Variants in ZNF66 observed in about 807,000 individuals in gnomAD.
ZNF66 encodes the protein zinc finger protein 66.
ZNF66 carries 32 observed loss-of-function variants against 35.2 expected under a neutral mutation model. The observed-to-expected ratio is 0.91, with a 90% CI of 0.69 to 1.22. The LOEUF (loss-of-function observed/expected upper bound fraction) is 1.22, where lower values mean the gene tolerates loss of function less well. ZNF66 is among the 50% of genes most tolerant of loss of function. The pLI, the probability that ZNF66 is intolerant of heterozygous loss-of-function variation, is 0.00. For missense variants in ZNF66, 666 were observed against 543.1 expected (o/e 1.23, Z -2.25); for synonymous variants, 231 against 181.3 (o/e 1.27, Z -2.20).
chr19:20,794,170 A>G (rs895280730), intron 3 of ZNF66: 4 of 420,116 alleles, frequency 9.5e-6, no homozygotes, highest in African/African-American at 8.4e-5. Context: ...GAGACAGCAC[A>G]ATCCAGCTGC....
intron 1 of ZNF66, among the ~76,000 whole-genome samples, chr19:20,788,646 AC>A (rs1971308708): frequency 6.6e-6 from 1 of 151,820 alleles, no homozygotes; most frequent in East Asian, 1.9e-4. Context: ...GTTGTGATCT[AC>A]CCGCGTCATC....
intron 3 of ZNF66, chr19:20,798,976 A>G (rs1047172342): frequency 1.6e-4 from 24 of 151,658 alleles, no homozygotes; most frequent in African/African-American, 2.4e-5. Context: ...TACAAAATAC[A>G]TGTATTTTCA....
intron 1 of ZNF66, among the ~76,000 whole-genome samples, chr19:20,788,655 ATCC>A (rs1203631320): frequency 6.6e-6 from 1 of 152,074 alleles, no homozygotes; most frequent in East Asian, 1.9e-4. Flanking sequence ...TACCCGCGTC[ATCC>A]TCCTGAAGCG....
intron 1 of ZNF66, among the ~76,000 whole-genome samples, chr19:20,790,146 AT>A (rs2144899779): frequency 6.6e-6 from 1 of 152,380 alleles, no homozygotes; most frequent in African/African-American, 2.4e-5. Flanking sequence ...TTACCAAGTG[AT>A]TTATAAGCTT....
At position 20,809,776 on chromosome 19, in the gene ZNF66, C is replaced by T. The variant is rs564631782; in HGVS notation, c.*2454C>T. 3.2e-3 allele frequency among the ~76,000 whole-genome samples: 488 copies of T among 151,656 alleles called. 2 individuals are homozygous for T. Among genetic ancestry groups the T allele is most frequent in the Non-Finnish European group, 2.7e-3 (183 of 67,902 alleles). The stretch of plus-strand genomic sequence containing the variant: ...ACTAGGAAGAAACTGCATGAACTAA[C>T]GAGCAAAATAACCAGCTAACATCAT... On this transcript the variant is annotated 3_prime_UTR_variant, in exon 4 of 4. Coordinates refer to ENST00000344519, the MANE Select transcript of ZNF66 (RefSeq NM_001355197.2).
chr19:20,776,493 G>A (rs1971195740), intron 1 of ZNF66, 43 bp downstream of exon 1: 3 of 1,523,650 alleles, frequency 2.0e-6, no homozygotes, highest in Non-Finnish European at 2.7e-6. Context: ...TGAAGTGTCT[G>A]TGGCGGGACT....
At chr19:20,801,339 A>G (rs1054279113) in intron 3 of ZNF66, among the ~76,000 whole-genome samples, 1 of 140,318 alleles carries the variant, frequency 7.1e-6, no homozygotes, top group East Asian at 2.0e-4. Context: ...TTTATTATTC[A>G]TTTTATTTTA....
rs1971532700 is a variant in ZNF66 at position 20,807,401 on chromosome 19, CTT to C, written c.*81_*82del. The C allele has an allele frequency of 5.4e-6, 3 of 559,282 alleles. No homozygotes were observed. Among genetic ancestry groups the C allele is most frequent in the South Asian group, 2.9e-5 (1 of 34,966 alleles). The allele number at this position is 559,282 out of a possible 1,614,324, so 34.6% of individuals were successfully genotyped here. ...ATGAGTTTGATGAATGTGGGAAAGA[CTT>C]TAACCAGCTATCAACTTTTACTAAA... On this transcript the variant is annotated 3_prime_UTR_variant, in exon 4 of 4. Coordinates refer to ENST00000344519, the MANE Select transcript of ZNF66 (RefSeq NM_001355197.2).
At chr19:20,777,452 A>ATTTTTTTTTTT (rs756548895) in intron 1 of ZNF66, among the ~76,000 whole-genome samples, 2 of 123,146 alleles carry the variant, frequency 1.6e-5, no homozygotes, top group African/African-American at 3.1e-5. Flanking sequence ...TTGAGCTTAG[A>ATTTTTTTTTTT]TTTTTTTTTT....
intron 1 of ZNF66, among the ~76,000 whole-genome samples, chr19:20,783,865 C>A (rs1971265241): frequency 6.6e-6 from 1 of 152,094 alleles, no homozygotes; most frequent in Admixed American, 6.6e-5. Flanking sequence ...AACAGTGTTT[C>A]CTCTTTTTTG....
intron 1 of ZNF66, among the ~76,000 whole-genome samples, chr19:20,778,949 TA>T (rs111770403): frequency 0.093 from 14,157 of 152,188 alleles, 675 homozygotes; most frequent in Middle Eastern, 0.11. Flanking sequence ...CTAAGGCTAA[TA>T]ATTAAGCCTG....
At chr19:20,805,124 T>A (rs201206828) in intron 3 of ZNF66, among the ~76,000 whole-genome samples, 5,593 of 144,350 alleles carry the variant, frequency 0.039, 205 homozygotes, top group African/African-American at 0.087. Context: ...TGTGTGTGTG[T>A]GTGAGAGAGA....
rs1168715159 is a variant in ZNF66, at chr19:20,805,981, AAG to A, written c.384_385del (p.Gly129LeufsTer2). The A allele has an allele frequency of 2.6e-6, 2 of 770,500 alleles. No homozygotes were observed. The highest frequency in any genetic ancestry group is 1.7e-5 in the African/African-American group (1 of 57,896). 47.7% of individuals were successfully genotyped at this position (770,500 alleles called of 1,614,324 possible). The stretch of plus-strand genomic sequence containing the variant: ...GTGTGGATAAGTGTAAAGTGCACAA[AAG>A]AGGTTATAATGGACTTAACCAATGT... Reference protein sequence around the residue: ...ESVDKCKVHKRGYNGLNQCLT... With the variant: ...ESVDKCKVHKXGYNGLNQCLT... On this transcript the variant is annotated frameshift_variant, in exon 4 of 4. Transcript: ENST00000344519. LOFTEE classifies it high-confidence loss of function.
intron 3 of ZNF66, among the ~76,000 whole-genome samples, chr19:20,804,487 C>A (rs1374880318): frequency 5.3e-5 from 8 of 152,108 alleles, no homozygotes. Context: ...TCAAATGATC[C>A]ATCCACCTTG....
At chr19:20,805,265 G>C (rs930101331) in intron 3 of ZNF66, among the ~76,000 whole-genome samples, 4 of 152,106 alleles carry the variant, frequency 2.6e-5, no homozygotes, top group African/African-American at 9.7e-5. Context: ...TATGATGTCA[G>C]CTTACTGCAA....
At chr19:20,800,251 A>G (rs455124) in intron 3 of ZNF66, among the ~76,000 whole-genome samples, 11,999 of 152,206 alleles carry the variant, frequency 0.079, 513 homozygotes, top group Middle Eastern at 0.11. Flanking sequence ...TTTTGGCCCC[A>G]GTGGATCTCC....
chr19:20,792,102 A>G (rs1568496327), intron 1 of ZNF66, among the ~76,000 whole-genome samples: 4 of 151,726 alleles, frequency 2.6e-5, no homozygotes, highest in Admixed American at 1.3e-4. Flanking sequence ...AATTCAAAAA[A>G]TCAGACTTTA....
chr19:20,802,615 TATAGGAGA>T (rs1971459219), intron 3 of ZNF66, among the ~76,000 whole-genome samples: 1 of 151,730 alleles, frequency 6.6e-6, no homozygotes, highest in African/African-American at 2.4e-5. Context: ...TTGTGGTCTA[TATAGGAGA>T]ATGCTGTATG....
intron 3 of ZNF66, among the ~76,000 whole-genome samples, chr19:20,797,642 T>TACAC (rs1971408491): frequency 6.6e-6 from 1 of 151,862 alleles, no homozygotes; most frequent in African/African-American, 2.4e-5. Flanking sequence ...TGGCTCACTG[T>TACAC]AACCTCTTCC....
Sources: allele counts gnomAD v4.1 joint callset (sites outside exome capture counted in the v4.1 genomes callset), GRCh38; gene constraint gnomAD v4.1.1; transcripts MANE v1.5; gene names NCBI Gene and HGNC (gene_info 2026-07-23, HGNC 2026-07-21).